UCMA: variants seen among roughly 807,000 people sequenced by gnomAD.
The protein encoded by UCMA is upper zone of growth plate and cartilage matrix associated.
In UCMA, 21 loss-of-function variants were observed where a neutral mutation model predicts 21.8. That is an observed-to-expected ratio of 0.97 (90% CI 0.68 to 1.39). The LOEUF is 1.39. Among genes scored for constraint, UCMA ranks in the 40% most tolerant of loss-of-function variants. UCMA has a pLI of 0.00. For synonymous variants in UCMA, 76 were observed against 67.9 expected (o/e 1.12, Z -0.58); for missense variants, 193 against 178.9 (o/e 1.08, Z -0.45).
chr10:13,231,254 C>G (rs1834896200), intron 3 of UCMA, among the ~76,000 whole-genome samples: 1 of 152,160 alleles, frequency 6.6e-6, no homozygotes, highest in African/African-American at 2.4e-5. Flanking sequence ...CCGTGACCTA[C>G]TTAGTTGCAG....
chr10:13,223,899 G>A (rs983907303), intron 4 of UCMA, among the ~76,000 whole-genome samples: 6 of 151,924 alleles, frequency 3.9e-5, no homozygotes, highest in Non-Finnish European at 8.8e-5. Context: ...GGTTGCCAGA[G>A]GCTTCCAGGA....
rs1834927657 is a variant in UCMA at position 13,233,547 on chromosome 10, C to T, written c.211G>A (p.Glu71Lys). Reference protein sequence around the residue: ...RGKRSPKSRDEVNVENRQKLR... With the variant: ...RGKRSPKSRDKVNVENRQKLR... ...CCTCCAGCATCCTTACCATTGACCT[C>T]ATCTCTGGACTTGGGGGACCGCTTG... Residue 71 changes from glutamate (E) to lysine (K), a missense_variant, in exon 3 of 5, where the codon GAG becomes AAG. Physicochemically the swap from Glu to Lys is moderately conservative, Grantham distance 56. Coordinates refer to ENST00000378681, the MANE Select transcript of UCMA (RefSeq NM_145314.3). 3.7e-6 allele frequency: 6 copies of T among 1,613,910 alleles called. No homozygotes were observed. The highest frequency in any genetic ancestry group is 4.2e-6 in the Non-Finnish European group (5 of 1,179,958).
At chr10:13,224,152 T>C (rs1200653964) in intron 4 of UCMA, among the ~76,000 whole-genome samples, 1 of 151,944 alleles carries the variant, frequency 6.6e-6, no homozygotes, top group African/African-American at 2.4e-5. Flanking sequence ...TAGCAAGACA[T>C]CGTCTCTACA....
rs1834927697 is a variant in UCMA at position 13,233,549 on chromosome 10, T to C, written c.209A>G (p.Asp70Gly). The part of the protein sequence containing the change: ...RRGKRSPKSR[D>G]EVNVENRQKL... ...TCCAGCATCCTTACCATTGACCTCA[T>C]CTCTGGACTTGGGGGACCGCTTGCC... The change falls in exon 3 of 5, where the codon GAT becomes GGT. Residue 70 changes from aspartate (D) to glycine (G), a missense_variant. Asp to Gly is a moderately conservative substitution (Grantham distance 94). Transcript: ENST00000378681. 1.9e-6 allele frequency: 3 copies of C among 1,613,812 alleles called. No individual in the cohort carries two copies. Among genetic ancestry groups the C allele is most frequent in the Non-Finnish European group, 1.7e-6 (2 of 1,179,964 alleles).
chr10:13,228,096 G>A (rs1834848407), intron 4 of UCMA, among the ~76,000 whole-genome samples: 1 of 151,586 alleles, frequency 6.6e-6, no homozygotes, highest in African/African-American at 2.4e-5. Flanking sequence ...GTCTTGCTCT[G>A]TTGCCCAGGC....
Position 13,222,178 on chromosome 10 carries a change from C to G in UCMA, c.342G>C (p.Glu114Asp). The G allele has an allele frequency of 1.2e-6, 2 of 1,614,014 alleles. No homozygotes were observed. Among genetic ancestry groups the G allele is most frequent in the Non-Finnish European group, 1.7e-6 (2 of 1,179,978 alleles). The change falls in exon 5 of 5, where the codon GAG becomes GAC. Residue 114 changes from glutamate (E) to aspartate (D), a missense_variant. Glu to Asp is a conservative substitution (Grantham distance 45). Transcript: ENST00000378681. ...QNDEQEERSREAVEQWRQWHY... is the reference protein window; with the variant it reads ...QNDEQEERSRDAVEQWRQWHY... ...GCCACTGGCGCCACTGCTCCACAGC[C>G]TCCCGGCTCCTCTCTTCCTGCTCTG...
rs543751953 is a variant in UCMA at position 13,223,741 on chromosome 10, G to T, written c.320-1541C>A. 4.6e-5 allele frequency among the ~76,000 whole-genome samples: 7 copies of T among 152,094 alleles called. No individual in the cohort carries two copies. In the South Asian group the frequency reaches 1.5e-3, roughly 32 times the overall value. ...TAATTTTTATATTTTTAGTAGAGAT[G>T]GGGTTTCATCCTGATGGCCAGACTG... On this transcript the variant is annotated intron_variant, in intron 4 of 4. Coordinates refer to ENST00000378681, the MANE Select transcript of UCMA (RefSeq NM_145314.3).
rs755878781 is a variant in UCMA, at chr10:13,233,563, G to T, written c.195C>A (p.Ser65=). 9.3e-6 allele frequency: 15 copies of T among 1,614,024 alleles called. No homozygotes were observed. In the South Asian group the frequency reaches 1.5e-4, roughly 17 times the overall value. Residue 65 remains serine (S), a synonymous_variant, in exon 3 of 5, where the codon TCC becomes TCA. Coordinates refer to ENST00000378681, the MANE Select transcript of UCMA (RefSeq NM_145314.3). ...SNFLKRRGKR[S]PKSRDEVNVE... ...CATTGACCTCATCTCTGGACTTGGG[G>T]GACCGCTTGCCGCGCCTCTTGAGGA...
Position 13,233,586 on chromosome 10 carries a change from G to A in UCMA, c.172C>T (p.Leu58Phe). Reference protein sequence around the residue: ...FMQESDASNFLKRRGKRSPKS... With the variant: ...FMQESDASNFFKRRGKRSPKS... ...GGGGACCGCTTGCCGCGCCTCTTGA[G>A]GAAATTCGAGGCATCTGATTCCTGC... The change falls in exon 3 of 5, where the codon CTC becomes TTC. Residue 58 changes from leucine to phenylalanine, a missense_variant. By Grantham distance (22) the Leu-to-Phe change is conservative. Coordinates refer to ENST00000378681, the MANE Select transcript of UCMA (RefSeq NM_145314.3). 6.2e-7 allele frequency: 1 copy of A among 1,614,070 alleles called. No homozygotes were observed. Among genetic ancestry groups the A allele is most frequent in the Non-Finnish European group, 8.5e-7 (1 of 1,180,034 alleles).
rs182162427 is a variant in UCMA at position 13,225,603 on chromosome 10, A to G, written c.320-3403T>C. On this transcript the variant is annotated intron_variant, in intron 4 of 4. Coordinates refer to ENST00000378681, the MANE Select transcript of UCMA (RefSeq NM_145314.3). ...GGCAGGAGAATCACTTGAACCCCGG[A>G]GGAGGAGGTTTCATTGAGCCGAGAT... Among the ~76,000 whole-genome samples the G allele has an allele frequency of 7.9e-3, 1,162 of 146,406 alleles. 10 individuals carry two copies. Among genetic ancestry groups the G allele is most frequent in the Non-Finnish European group, 0.014 (924 of 67,138 alleles).
rs187824257 is a variant in UCMA, at chr10:13,231,186, T to C, written c.221-1477A>G. 3.0e-3 allele frequency among the ~76,000 whole-genome samples: 454 copies of C among 152,342 alleles called. 1 individual carries two copies. The highest frequency in any genetic ancestry group is 0.01 in the African/African-American group (419 of 41,590). On this transcript the variant is annotated intron_variant, in intron 3 of 4. Transcript: ENST00000378681. The stretch of plus-strand genomic sequence containing the variant: ...AACTCAGATTAAAAATCAAGTTATC[T>C]GTGAACTGGGCTTAGTGCAGATTCC...
chr10:13,233,739 A>G lies in UCMA; in HGVS notation c.120T>C (p.Ser40=). ...GTGGGTGGCCCCTGCACTCACCTTC[A>G]CTCGCCTCTTCTCCCGCCATCTGCA... ...GTMQMAGEEA[S]EDAKQKIFMQ... The change falls in exon 2 of 5, where the codon AGT becomes AGC. Residue 40 remains serine, a synonymous_variant. Coordinates refer to ENST00000378681, the MANE Select transcript of UCMA (RefSeq NM_145314.3). 1.2e-6 allele frequency: 2 copies of G among 1,613,412 alleles called. No homozygotes were observed. Among genetic ancestry groups the G allele is most frequent in the Middle Eastern group, 1.7e-4 (1 of 6,060 alleles).
chr10:13,227,021 T>A (rs1484518971), intron 4 of UCMA, among the ~76,000 whole-genome samples: 2 of 152,050 alleles, frequency 1.3e-5, no homozygotes, highest in African/African-American at 2.4e-5. Context: ...TTTAAGTGCT[T>A]CTCCCCAAGC....
At chr10:13,225,219 A>G (rs1161216994) in intron 4 of UCMA, among the ~76,000 whole-genome samples, 2 of 152,096 alleles carry the variant, frequency 1.3e-5, no homozygotes, top group Non-Finnish European at 2.9e-5. Flanking sequence ...ATGCCGGGCT[A>G]ATTTTTAATA....
intron 4 of UCMA, 21 bp from the exon 5 acceptor site, chr10:13,222,221 CA>C: frequency 6.2e-7 from 1 of 1,611,010 alleles, no homozygotes; most frequent in Non-Finnish European, 8.5e-7. Context: ...AAGACAAAGC[CA>C]CCTGTTAGGA....
chr10:13,230,464 T>C (rs1834883451), intron 3 of UCMA, among the ~76,000 whole-genome samples: 1 of 152,164 alleles, frequency 6.6e-6, no homozygotes, highest in African/African-American at 2.4e-5. Flanking sequence ...ACTTTCAAGG[T>C]ATTTCCCCCA....
chr10:13,229,478 C>T (rs1834869020), intron 4 of UCMA, 133 bp downstream of exon 4: 5 of 736,918 alleles, frequency 6.8e-6, no homozygotes, highest in Non-Finnish European at 1.1e-5. Context: ...TGCATTCCAG[C>T]CTGGGCAACA....
At position 13,234,326 on chromosome 10, in the gene UCMA, C is replaced by T; in HGVS notation, c.-68G>A. 1 of 1,561,288 alleles carries T rather than the reference C, an allele frequency of 6.4e-7. No homozygotes were observed. On this transcript the variant is annotated 5_prime_UTR_variant, in exon 1 of 5. Coordinates refer to ENST00000378681, the MANE Select transcript of UCMA (RefSeq NM_145314.3). ...CCAGGCGTCCTGCACCCTTTGGGTC[C>T]CCACTTCTGAGGCAGGCAGCCCAGG...
chr10:13,226,692 T>C (rs1834827421), intron 4 of UCMA, among the ~76,000 whole-genome samples: 1 of 152,114 alleles, frequency 6.6e-6, no homozygotes, highest in African/African-American at 2.4e-5. Context: ...TCGTGAGGAT[T>C]AGGTGGCCAC....
Sources: allele counts gnomAD v4.1 joint callset (sites outside exome capture counted in the v4.1 genomes callset), GRCh38; gene constraint gnomAD v4.1.1; transcripts MANE v1.5; gene names NCBI Gene and HGNC (gene_info 2026-07-23, HGNC 2026-07-21).